The following ASPA variants were observed in gnomAD, a reference collection of about 807,000 sequenced individuals.
ASPA encodes aspartoacylase, also known as ACY-2.
ASPA carries 25 observed loss-of-function variants against 29.6 expected under a neutral mutation model. The observed-to-expected ratio is 0.85, with a 90% CI of 0.62 to 1.18. The LOEUF (loss-of-function observed/expected upper bound fraction) is 1.18, where lower values mean the gene tolerates loss of function less well. Ranked by LOEUF, ASPA falls within the 50% of genes most tolerant of loss-of-function variation. The pLI is 0.00. For synonymous variants in ASPA, 131 were observed against 130.3 expected, an observed-to-expected ratio of 1.01 and a Z score of -0.04; for missense variants, 333 against 385.7, an observed-to-expected ratio of 0.86 and a Z score of 1.14.
chr17:3,478,847 C>G (rs2073578757), intron 1 of ASPA, among the ~76,000 whole-genome samples: 1 of 152,184 alleles, frequency 6.6e-6, no homozygotes, highest in African/African-American at 2.4e-5. Flanking sequence ...GAAAATCACC[C>G]TAGAACCTTC....
intron 1 of ASPA, among the ~76,000 whole-genome samples, chr17:3,479,058 C>A (rs1446799574): frequency 6.6e-6 from 1 of 152,204 alleles, no homozygotes; most frequent in African/African-American, 2.4e-5. Flanking sequence ...CCATCTGATA[C>A]CTCTAGGAAT....
intron 1 of ASPA, among the ~76,000 whole-genome samples, chr17:3,480,242 T>A (rs1478540778): frequency 6.6e-6 from 1 of 152,222 alleles, no homozygotes; most frequent in Non-Finnish European, 1.5e-5. Flanking sequence ...CAGAGCTGAT[T>A]TATCAAGACA....
intron 1 of ASPA, among the ~76,000 whole-genome samples, chr17:3,477,807 C>T (rs1255208274): frequency 6.6e-6 from 1 of 151,882 alleles, no homozygotes; most frequent in Non-Finnish European, 1.5e-5. Flanking sequence ...TCTCAGGAAA[C>T]TGTGCCAGGT....
At chr17:3,478,562 C>T (rs988481501) in intron 1 of ASPA, among the ~76,000 whole-genome samples, 4 of 152,172 alleles carry the variant, frequency 2.6e-5, no homozygotes, top group East Asian at 1.9e-4. Context: ...AACTTTTAGT[C>T]GGCATATTAA....
chr17:3,497,666 C>A (rs76536053), intron 5 of ASPA, among the ~76,000 whole-genome samples: 11 of 152,152 alleles, frequency 7.2e-5, no homozygotes, highest in Admixed American at 2.6e-4. Flanking sequence ...ATGGAGAAAA[C>A]TGCGGTGATG....
rs1043736394 is a variant in ASPA at position 3,485,301 on chromosome 17, C to T, written c.526+1709C>T. On this transcript the variant is annotated intron_variant, in intron 3 of 5. Coordinates refer to ENST00000263080, the MANE Select transcript of ASPA (RefSeq NM_000049.4). The surrounding 1 kb of genome is among the most constrained non-coding windows in gnomAD (Gnocchi z 4.4). ...CTGGGATTACAAGCGTGAGCCACCACACCTGTACCTCATTCACAGTTTTAA... is the reference window on the plus strand; with the variant it reads ...CTGGGATTACAAGCGTGAGCCACCATACCTGTACCTCATTCACAGTTTTAA... Among the ~76,000 whole-genome samples the T allele has an allele frequency of 3.9e-5, 6 of 152,280 alleles. No homozygotes were observed. The highest frequency in any genetic ancestry group is 4.1e-4 in the South Asian group (2 of 4,824).
At position 3,503,028 on chromosome 17, in the gene ASPA, A is replaced by C. The variant is rs560368359; in HGVS notation, c.*3940A>C. On this transcript the variant is annotated 3_prime_UTR_variant, in exon 6 of 6. Coordinates refer to ENST00000263080, the MANE Select transcript of ASPA (RefSeq NM_000049.4). ...CTTGCCTCCCATGATTCTTCTCCTC[A>C]AAGGACCTTCTGCTGGACGCCGCCC... The C allele has an allele frequency of 7.2e-5, 11 of 152,304 alleles. No homozygotes were observed. The East Asian group carries it at 2.1e-3, about 29-fold the overall frequency. 9.4% of individuals were successfully genotyped at this position (152,304 alleles called of 1,614,324 possible).
chr17:3,502,808 T>C lies in ASPA; in HGVS notation c.*3720T>C, dbSNP rs1300707632. 1.3e-5 allele frequency: 2 copies of C among 152,354 alleles called. No individual in the cohort carries two copies. Among genetic ancestry groups the C allele is most frequent in the East Asian group, 3.9e-4 (2 of 5,192 alleles). The allele number at this position is 152,354 out of a possible 1,614,324, so 9.4% of individuals were successfully genotyped here. ...GAGGCCTATTCTTCACAGCTGTCAC[T>C]TCTCATTTTGAAAGAATATGCCCAC... is the stretch of plus-strand genomic sequence containing the variant. On this transcript the variant is annotated 3_prime_UTR_variant, in exon 6 of 6. Coordinates refer to ENST00000263080, the MANE Select transcript of ASPA (RefSeq NM_000049.4).
chr17:3,498,813 A>T, intron 5 of ASPA, 78 bp from the exon 6 acceptor site: 1 of 1,272,148 alleles, frequency 7.9e-7, no homozygotes, highest in Non-Finnish European at 1.1e-6. Context: ...GTAATTTGTT[A>T]GTTGTCTAGA....
At chr17:3,481,834 G>C (rs1439341714) in intron 2 of ASPA, 36 bp downstream of exon 2, 3 of 1,522,340 alleles carry the variant, frequency 2.0e-6, no homozygotes, top group Non-Finnish European at 2.7e-6. Flanking sequence ...AGTTAGCAAA[G>C]GACTTGTACT....
upstream of ASPA, among the ~76,000 whole-genome samples, chr17:3,474,619 G>A (rs556007215): frequency 1.3e-5 from 2 of 152,270 alleles, no homozygotes; most frequent in South Asian, 4.1e-4. Flanking sequence ...TTAATGCATA[G>A]ATTTGATGTG....
chr17:3,475,558 A>G (rs535233786), upstream of ASPA: 1 of 153,506 alleles, frequency 6.5e-6, no homozygotes, highest in Admixed American at 6.4e-5. Context: ...TGATTGTGAA[A>G]AAGCATTCTG....
chr17:3,475,222 T>C (rs1426592479), upstream of ASPA, among the ~76,000 whole-genome samples: 1 of 152,212 alleles, frequency 6.6e-6, no homozygotes, highest in Non-Finnish European at 1.5e-5. Context: ...ATCATCTTAG[T>C]ATTCTGGAAA....
At chr17:3,498,858 T>A in intron 5 of ASPA, 33 bp from the exon 6 acceptor site, 1 of 1,469,636 alleles carries the variant, frequency 6.8e-7, no homozygotes, top group Non-Finnish European at 9.0e-7. Context: ...AAAAACCAAA[T>A]ATAATATATT....
In ASPA at chr17:3,499,146, C is replaced by G. The variant is rs757610508; in HGVS notation, c.*58C>G. 7.6e-5 allele frequency: 119 copies of G among 1,557,598 alleles called. No individual in the cohort carries two copies. Among genetic ancestry groups the G allele is most frequent in the Non-Finnish European group, 1.0e-4 (114 of 1,143,080 alleles). ...CTTACAAATTCTGCTAGTCTGTAAGCTCCTTAAGAGTAGGGTTGTGCCTTA... is the reference window on the plus strand; with the variant it reads ...CTTACAAATTCTGCTAGTCTGTAAGGTCCTTAAGAGTAGGGTTGTGCCTTA... On this transcript the variant is annotated 3_prime_UTR_variant, in exon 6 of 6. Transcript: ENST00000263080.
chr17:3,498,795 A>G (rs2073951304), intron 5 of ASPA, 96 bp from the exon 6 acceptor site: 4 of 1,194,956 alleles, frequency 3.3e-6, no homozygotes, highest in South Asian at 2.0e-5. Flanking sequence ...TTAAAACAAC[A>G]GAATACTGTA....
In ASPA at chr17:3,485,420, G is replaced by A. The variant is rs1432215602; in HGVS notation, c.526+1828G>A. Among the ~76,000 whole-genome samples, 1 of 152,156 alleles carries A rather than the reference G, an allele frequency of 6.6e-6. No individual in the cohort carries two copies. The highest frequency in any genetic ancestry group is 1.5e-5 in the Non-Finnish European group (1 of 68,040). On this transcript the variant is annotated intron_variant, in intron 3 of 5. Transcript: ENST00000263080. This position sits in a 1 kb window ranked among gnomAD's most constrained non-coding sequence, Gnocchi z 4.4. ...CCATATATAAAATACTAGCCAACCAGGAGAATCGCTTGAACCCCGGAGGTG... is the reference window on the plus strand; with the variant it reads ...CCATATATAAAATACTAGCCAACCAAGAGAATCGCTTGAACCCCGGAGGTG...
chr17:3,476,411 G>A lies in ASPA; in HGVS notation c.236+16G>A. 1 of 1,606,636 alleles carries A rather than the reference G, an allele frequency of 6.2e-7. No homozygotes were observed. Among genetic ancestry groups the A allele is most frequent in the Non-Finnish European group, 8.5e-7 (1 of 1,173,962 alleles). On this transcript the variant is annotated intron_variant, in intron 1 of 5. Coordinates refer to ENST00000263080, the MANE Select transcript of ASPA (RefSeq NM_000049.4). ...AAAATCTTGGGTAAGACTATGCTTT[G>A]TATTGTATATGTATGTATGTTGTGT...
rs182282969 is a variant in ASPA at position 3,498,691 on chromosome 17, G to A, written c.745-200G>A. Among the ~76,000 whole-genome samples, 3 of 152,236 alleles carry A rather than the reference G, an allele frequency of 2.0e-5. No homozygotes were observed. In the East Asian group the frequency reaches 5.8e-4, roughly 29 times the overall value. ...ACGTTTCAATTATACAAATGCAAAG[G>A]GGAACTCTTAAAACTACTGCCAAAA... is the stretch of plus-strand genomic sequence containing the variant. On this transcript the variant is annotated intron_variant, in intron 5 of 5. Coordinates refer to ENST00000263080, the MANE Select transcript of ASPA (RefSeq NM_000049.4).
Sources: gnomAD v4.1 joint callset for allele counts (sites outside exome capture counted in the v4.1 genomes callset) on GRCh38, gnomAD v4.1.1 for gene constraint, Gnocchi (gnomAD v3.1) non-coding constraint, MANE v1.5 for transcripts, NCBI Gene and HGNC (gene_info 2026-07-23, HGNC 2026-07-21) for gene names.